KCNK5: variants seen among roughly 807,000 people sequenced by gnomAD.
KCNK5 encodes potassium two pore domain channel subfamily K member 5.
A neutral mutation model predicts 32.9 loss-of-function variants in KCNK5; 18 were observed. The ratio of observed to expected loss-of-function variants is 0.55; its 90% CI spans 0.38 to 0.81. The LOEUF (loss-of-function observed/expected upper bound fraction) is 0.81. KCNK5 is among the 30% of genes least tolerant of loss of function. The probability of loss-of-function intolerance (pLI) is 0.00; values close to 1 mark genes in which losing one functional copy is unlikely to be tolerated. For synonymous variants in KCNK5, 276 were observed against 275.3 expected, an observed-to-expected ratio of 1.00 and a Z score of -0.03; for missense variants, 507 against 651.0, an observed-to-expected ratio of 0.78 and a Z score of 2.41.
At chr6:39,204,106 C>T (rs1035127082) in intron 1 of KCNK5, among the ~76,000 whole-genome samples, 3 of 152,378 alleles carry the variant, frequency 2.0e-5, no homozygotes, top group Admixed American at 6.5e-5. Flanking sequence ...CAGGGCCACA[C>T]CCGTCTCCTC....
intron 1 of KCNK5, among the ~76,000 whole-genome samples, chr6:39,217,928 A>G (rs933917951): frequency 6.6e-6 from 1 of 152,016 alleles, no homozygotes; most frequent in Non-Finnish European, 1.5e-5. Context: ...TATCTGGAAA[A>G]CTAGTGGGAG....
intron 1 of KCNK5, among the ~76,000 whole-genome samples, chr6:39,203,927 T>TC (rs1212708651): frequency 6.6e-6 from 1 of 152,032 alleles, no homozygotes; most frequent in Non-Finnish European, 1.5e-5. Context: ...TCACTGCCTC[T>TC]CCCCCCGGGT....
At chr6:39,192,534 G>A (rs572851396) in intron 4 of KCNK5, among the ~76,000 whole-genome samples, 2 of 152,296 alleles carry the variant, frequency 1.3e-5, no homozygotes, top group South Asian at 4.1e-4. Context: ...ACTCACACTG[G>A]TGGATTACAA....
chr6:39,213,968 G>T (rs779219431), intron 1 of KCNK5, among the ~76,000 whole-genome samples: 11 of 152,084 alleles, frequency 7.2e-5, no homozygotes, highest in Non-Finnish European at 1.0e-4. Context: ...GGAGGTTGCA[G>T]TGAGCCGAGA....
At chr6:39,228,385 C>T (rs1246539124) in intron 1 of KCNK5, among the ~76,000 whole-genome samples, 3 of 152,202 alleles carry the variant, frequency 2.0e-5, no homozygotes, top group East Asian at 3.9e-4. Context: ...ACAGAGCCTC[C>T]AGCTCCTCTC....
Position 39,229,339 on chromosome 6 carries a change from G to A in KCNK5, c.-228C>T. ...GCCCCACTCACGCGGCCCGGGGTGG[G>A]CGAACACCAGCGGGGCTGAAAGGGC... On this transcript the variant is annotated 5_prime_UTR_variant, in exon 1 of 5. Transcript: ENST00000359534. 1 of 578,862 alleles carries A rather than the reference G, an allele frequency of 1.7e-6. No individual in the cohort carries two copies. Among genetic ancestry groups the A allele is most frequent in the Non-Finnish European group, 3.1e-6 (1 of 326,212 alleles). 35.9% of individuals were successfully genotyped at this position (578,862 alleles called of 1,614,324 possible). A position where few individuals can be genotyped will look rare whatever the true frequency, so the allele number is the denominator to read the frequency against.
intron 1 of KCNK5, among the ~76,000 whole-genome samples, chr6:39,218,030 C>T (rs1771471395): frequency 6.6e-6 from 1 of 151,122 alleles, no homozygotes; most frequent in African/African-American, 2.4e-5. Flanking sequence ...AAGGAGTCTG[C>T]ACCCCAAAAT....
Position 39,194,223 on chromosome 6 carries a change from G to A in KCNK5, c.580C>T (p.Leu194Phe). Residue 194 changes from leucine to phenylalanine, a missense_variant, in exon 4 of 5, where the codon CTC (leucine) becomes TTC (phenylalanine). By Grantham distance (22) the Leu-to-Phe change is conservative. Around this residue, in one of 6 missense-constraint regions of KCNK5, gnomAD observed 45 missense variants for 107.6 expected, o/e 0.42. Transcript: ENST00000359534. The surrounding 1 kb of genome is among the most constrained non-coding windows in gnomAD (Gnocchi z 4.7). ...GAGATGGTGATGAAGGAGTAGTAGA[G>A]GCCCTCGATGTAGTTCCACCCCTCA... ...VTEGWNYIEG[L>F]YYSFITISTI... The A allele has an allele frequency of 6.2e-7, 1 of 1,614,168 alleles. No individual in the cohort carries two copies. The highest frequency in any genetic ancestry group is 8.5e-7 in the Non-Finnish European group (1 of 1,180,028).
At chr6:39,212,592 G>A (rs1053641234) in intron 1 of KCNK5, among the ~76,000 whole-genome samples, 1 of 152,144 alleles carries the variant, frequency 6.6e-6, no homozygotes, top group Admixed American at 6.5e-5. Flanking sequence ...GGGCCCCCAC[G>A]GGACCGGGTG....
Position 39,194,133 on chromosome 6 carries a change from C to A in KCNK5, c.634+36G>T. The A allele has an allele frequency of 6.2e-7, 1 of 1,612,972 alleles. No individual in the cohort carries two copies. The highest frequency in any genetic ancestry group is 8.5e-7 in the Non-Finnish European group (1 of 1,179,096). On this transcript the variant is annotated intron_variant, in intron 4 of 4. Coordinates refer to ENST00000359534, the MANE Select transcript of KCNK5 (RefSeq NM_003740.4). The surrounding 1 kb of genome is among the most constrained non-coding windows in gnomAD (Gnocchi z 4.7). ...GTCTGTTGCACTGAAACCAAAGAAG[C>A]AGAAAAAGAGGTGGGAGGCAGAGGC...
intron 4 of KCNK5, among the ~76,000 whole-genome samples, chr6:39,193,215 C>T (rs1341260798): frequency 6.6e-6 from 1 of 152,220 alleles, no homozygotes; most frequent in Non-Finnish European, 1.5e-5. Flanking sequence ...CCTTAGCCTG[C>T]TCTGGGCCTC....
At chr6:39,219,469 G>A (rs1771503703) in intron 1 of KCNK5, among the ~76,000 whole-genome samples, 1 of 152,100 alleles carries the variant, frequency 6.6e-6, no homozygotes, top group Non-Finnish European at 1.5e-5. Context: ...TAAATCCCAG[G>A]TGTGACTTGA....
chr6:39,197,438 G>A (rs572261390), intron 1 of KCNK5, among the ~76,000 whole-genome samples: 3 of 152,332 alleles, frequency 2.0e-5, no homozygotes, highest in East Asian at 1.9e-4. Flanking sequence ...CAGCATCTCC[G>A]AGGCTACGAA....
At position 39,195,895 on chromosome 6, in the gene KCNK5, C is replaced by T. The variant is rs777701582; in HGVS notation, c.279G>A (p.Ala93=). 87 of 1,613,500 alleles carry T rather than the reference C, an allele frequency of 5.4e-5. No homozygotes were observed. Among genetic ancestry groups the T allele is most frequent in the South Asian group, 4.2e-4 (38 of 91,000 alleles). ...ACTTACCAATGGTGGTAATGACGGTCGCTGCAAAAATCATTGCATTGGGCC... is the reference window on the plus strand; with the variant it reads ...ACTTACCAATGGTGGTAATGACGGTTGCTGCAAAAATCATTGCATTGGGCC... The part of the protein sequence containing the change: ...WNWPNAMIFA[A]TVITTIGYGN... The change falls in exon 2 of 5, where the codon GCG becomes GCA. Residue 93 remains alanine (A), a synonymous_variant. Transcript: ENST00000359534.
At chr6:39,226,806 T>C (rs1013992941) in intron 1 of KCNK5, among the ~76,000 whole-genome samples, 18 of 152,214 alleles carry the variant, frequency 1.2e-4, no homozygotes, top group Admixed American at 2.6e-4. Flanking sequence ...GTTTTTCCTA[T>C]GACGGGAAGG....
intron 1 of KCNK5, among the ~76,000 whole-genome samples, chr6:39,219,261 G>A (rs1771499316): frequency 3.3e-5 from 5 of 152,204 alleles, no homozygotes; most frequent in South Asian, 2.1e-4. Context: ...GGCAGGGAGA[G>A]CAGTTTATTC....
At chr6:39,210,034 T>C (rs1583713948) in intron 1 of KCNK5, among the ~76,000 whole-genome samples, 1 of 152,262 alleles carries the variant, frequency 6.6e-6, no homozygotes, top group Admixed American at 6.5e-5. Flanking sequence ...GAGTGCTTTG[T>C]ATGTGGCCGG....
chr6:39,207,992 C>T (rs937604074), intron 1 of KCNK5, among the ~76,000 whole-genome samples: 1 of 152,086 alleles, frequency 6.6e-6, no homozygotes, highest in Non-Finnish European at 1.5e-5. Flanking sequence ...ACTACCCTAC[C>T]TCTTGCCTCT....
chr6:39,224,588 CATAT>C (rs1474207632), intron 1 of KCNK5, among the ~76,000 whole-genome samples: 2 of 152,094 alleles, frequency 1.3e-5, no homozygotes, highest in East Asian at 3.9e-4. Context: ...AAAGGAGGTA[CATAT>C]GGAAAACCTT....
Sources: allele counts gnomAD v4.1 joint callset (sites outside exome capture counted in the v4.1 genomes callset), GRCh38; gene constraint gnomAD v4.1.1; regional missense constraint gnomAD v4.1.1; non-coding constraint Gnocchi (gnomAD v3.1); transcripts MANE v1.5; gene names NCBI Gene and HGNC (gene_info 2026-07-23, HGNC 2026-07-21).